Variants in ADAP1 observed in about 807,000 individuals in gnomAD.
ADAP1 encodes the protein arf-GAP with dual PH domain-containing protein 1.
A neutral mutation model predicts 54.9 loss-of-function variants in ADAP1; 31 were observed. That is an observed-to-expected ratio of 0.56 (90% CI 0.42 to 0.76). ADAP1 has a LOEUF of 0.76. ADAP1 is among the 30% of genes least tolerant of loss of function. The pLI, the probability that ADAP1 is intolerant of heterozygous loss-of-function variation, is 0.00. For synonymous variants in ADAP1, 313 were observed against 202.6 expected (o/e 1.55, Z -4.63); for missense variants, 535 against 512.4 (o/e 1.04, Z -0.42).
Position 905,285 on chromosome 7 carries a change from CGGGGG to C in ADAP1, c.389-118_389-114del, listed in dbSNP as rs1562911148. ...GGGGAGAAGACACGGGGGACACGGA[CGGGGG>C]ACACGGACAGGGGGAGACGGACGGG... On this transcript the variant is annotated intron_variant, in intron 4 of 10. Transcript: ENST00000265846. 8.6e-4 allele frequency: 203 copies of C among 236,040 alleles called. 32 individuals are homozygous for C. In the African/African-American group the frequency reaches 0.011, roughly 13 times the overall value. 14.6% of individuals were successfully genotyped at this position (236,040 alleles called of 1,614,324 possible). A position where few individuals can be genotyped will look rare whatever the true frequency, so the allele number is the denominator to read the frequency against.
rs191367770 is a variant in ADAP1 at position 929,169 on chromosome 7, G to A, written c.214-2525C>T. ...TAGCCGGGCGTGGTGGTGCACGCCCGTAATCCCAGCTACTCGGGAGGCTGA... is the reference window on the plus strand; with the variant it reads ...TAGCCGGGCGTGGTGGTGCACGCCCATAATCCCAGCTACTCGGGAGGCTGA... On this transcript the variant is annotated intron_variant, in intron 2 of 10. Coordinates refer to ENST00000265846, the MANE Select transcript of ADAP1 (RefSeq NM_006869.4). Among the ~76,000 whole-genome samples, 27 of 152,130 alleles carry A rather than the reference G, an allele frequency of 1.8e-4. No individual in the cohort carries two copies. The East Asian group carries it at 4.6e-3, about 26-fold the overall frequency.
intron 6 of ADAP1, 181 bp from the exon 7 acceptor site, chr7:900,797 C>CGGGGCTGCTACACA (rs1328568042): frequency 1.5e-5 from 10 of 654,716 alleles, no homozygotes; most frequent in East Asian, 5.6e-5. Flanking sequence ...ACGCTGAGGC[C>CGGGGCTGCTACACA]GGGGCTGCTA....
At position 954,680 on chromosome 7, in the gene ADAP1, T is replaced by C. The variant is rs1357960847; in HGVS notation, c.-203A>G. On this transcript the variant is annotated 5_prime_UTR_variant, in exon 1 of 11. Transcript: ENST00000265846. ...GTCTCCGCCGCGGTCGCTGAGCGAGTGCCGGCGCGGGGCCCGGGGCGCACG... is the reference window on the plus strand; with the variant it reads ...GTCTCCGCCGCGGTCGCTGAGCGAGCGCCGGCGCGGGGCCCGGGGCGCACG... 11 of 981,140 alleles carry C rather than the reference T, an allele frequency of 1.1e-5. No individual in the cohort carries two copies. The highest frequency in any genetic ancestry group is 1.3e-5 in the Non-Finnish European group (11 of 828,804). 60.8% of individuals were successfully genotyped at this position (981,140 alleles called of 1,614,324 possible).
intron 7 of ADAP1, among the ~76,000 whole-genome samples, 170 bp downstream of exon 7, chr7:900,363 G>A (rs2128632768): frequency 6.6e-6 from 1 of 152,226 alleles, no homozygotes; most frequent in South Asian, 2.1e-4. Context: ...CTGAGCTGAA[G>A]TTCTAGAGTG....
chr7:928,199 G>A (rs144163084), intron 2 of ADAP1, among the ~76,000 whole-genome samples: 206 of 151,250 alleles, frequency 1.4e-3, no homozygotes, highest in African/African-American at 3.8e-3. Flanking sequence ...CAGCCTGGGC[G>A]GCAGAACAAG....
chr7:907,593 TC>T (rs1437775940), intron 4 of ADAP1, among the ~76,000 whole-genome samples: 1 of 152,166 alleles, frequency 6.6e-6, no homozygotes, highest in Non-Finnish European at 1.5e-5. Context: ...CGCTCCCACT[TC>T]TGCTCCCTGT....
chr7:938,068 C>T lies in ADAP1; in HGVS notation c.83-2563G>A, dbSNP rs556962203. Among the ~76,000 whole-genome samples the T allele has an allele frequency of 6.5e-4, 99 of 152,310 alleles. No individual in the cohort carries two copies. Among genetic ancestry groups the T allele is most frequent in the African/African-American group, 2.3e-3 (97 of 41,568 alleles). ...AACATTTGCCCAAGTGACCCTGTCTCGGGTACCAGGAGTTTTGCCTGTGCT... is the reference window on the plus strand; with the variant it reads ...AACATTTGCCCAAGTGACCCTGTCTTGGGTACCAGGAGTTTTGCCTGTGCT... On this transcript the variant is annotated intron_variant, in intron 1 of 10. Transcript: ENST00000265846. The surrounding 1 kb of genome is among the most constrained non-coding windows in gnomAD (Gnocchi z 4.4).
chr7:915,037 C>G (rs1845875382), intron 4 of ADAP1, among the ~76,000 whole-genome samples: 2 of 149,492 alleles, frequency 1.3e-5, no homozygotes. Context: ...CCGAGGCCCT[C>G]TGGCTGGCGT....
chr7:939,373 C>T (rs1349927629), intron 1 of ADAP1, among the ~76,000 whole-genome samples: 1 of 152,010 alleles, frequency 6.6e-6, no homozygotes. Context: ...GCGTGCACCA[C>T]CATGCCCGGC....
intron 4 of ADAP1, among the ~76,000 whole-genome samples, chr7:909,205 AGGCGCC>A (rs1845612149): frequency 1.4e-5 from 1 of 71,708 alleles, no homozygotes; most frequent in Non-Finnish European, 2.9e-5. Flanking sequence ...TCCCGACAGC[AGGCGCC>A]AGCGGGAACC....
chr7:950,485 CAA>C (rs59360722), intron 1 of ADAP1, among the ~76,000 whole-genome samples: 10,889 of 92,946 alleles, frequency 0.12, 503 homozygotes, highest in South Asian at 0.22. Context: ...GACTCTGCCT[CAA>C]AAAAAAAAAA....
intron 3 of ADAP1, chr7:922,942 C>T (rs1846243472): frequency 6.7e-6 from 1 of 150,098 alleles, no homozygotes; most frequent in South Asian, 2.1e-4. Flanking sequence ...GGAGCCCTGA[C>T]CCCCGGGCCT....
chr7:927,975 G>A (rs1846442899), intron 2 of ADAP1, among the ~76,000 whole-genome samples: 1 of 151,890 alleles, frequency 6.6e-6, no homozygotes, highest in African/African-American at 2.4e-5. Flanking sequence ...CAGCACTTTG[G>A]GAAGCTGAGG....
Position 946,023 on chromosome 7 carries a change from G to A in ADAP1, c.82+8373C>T, listed in dbSNP as rs1847128723. ...GCAATCGAGGCCGGGTCGGACGCTGGCTCTGGCCAGGCACGCAAGGGGCAG... is the reference window on the plus strand; with the variant it reads ...GCAATCGAGGCCGGGTCGGACGCTGACTCTGGCCAGGCACGCAAGGGGCAG... On this transcript the variant is annotated intron_variant, in intron 1 of 10. Transcript: ENST00000265846. This position sits in a 1 kb window ranked among gnomAD's most constrained non-coding sequence, Gnocchi z 4.3. Among the ~76,000 whole-genome samples, 1 of 152,210 alleles carries A rather than the reference G, an allele frequency of 6.6e-6. No homozygotes were observed. The highest frequency in any genetic ancestry group is 1.5e-5 in the Non-Finnish European group (1 of 68,028).
At chr7:936,444 G>A (rs1846762776) in intron 1 of ADAP1, among the ~76,000 whole-genome samples, 1 of 152,172 alleles carries the variant, frequency 6.6e-6, no homozygotes, top group Non-Finnish European at 1.5e-5. Flanking sequence ...CCACCTGCTC[G>A]GCCTCCCAAA....
At chr7:918,293 C>T (rs1210971614) in intron 4 of ADAP1, among the ~76,000 whole-genome samples, 2 of 152,214 alleles carry the variant, frequency 1.3e-5, no homozygotes, top group Non-Finnish European at 2.9e-5. Context: ...CACAGCTCAC[C>T]GTAGCCTCAA....
chr7:911,364 G>A (rs922928083), intron 4 of ADAP1, among the ~76,000 whole-genome samples: 2 of 152,182 alleles, frequency 1.3e-5, no homozygotes, highest in Non-Finnish European at 2.9e-5. Flanking sequence ...GTGACGTGTG[G>A]ATGCCCCCAT....
In ADAP1 at chr7:926,307, G is replaced by A. The variant is rs573265881; in HGVS notation, c.305+246C>T. Among the ~76,000 whole-genome samples the A allele has an allele frequency of 2.0e-5, 3 of 150,018 alleles. No individual in the cohort carries two copies. The highest frequency in any genetic ancestry group is 2.0e-4 in the East Asian group (1 of 5,068). On this transcript the variant is annotated intron_variant, in intron 3 of 10. Transcript: ENST00000265846. The surrounding 1 kb of genome is among the most constrained non-coding windows in gnomAD (Gnocchi z 4.6). ...CCCAAGGCCTCAGCGAACCTGGGTGGGCTGTAGCTACTGATGCACAATGAC... is the reference window on the plus strand; with the variant it reads ...CCCAAGGCCTCAGCGAACCTGGGTGAGCTGTAGCTACTGATGCACAATGAC...
rs552541005 is a variant in ADAP1 at position 922,917 on chromosome 7, G to A, written c.306-2867C>T. On this transcript the variant is annotated intron_variant, in intron 3 of 10. Transcript: ENST00000265846. ...CCGAGGCTGCTACCACCTGAACCGC[G>A]ACCCCATCCTACTGGGAGCCCTGAC... 25 of 127,614 alleles carry A rather than the reference G, an allele frequency of 2.0e-4. 1 individual carries two copies. In the South Asian group the frequency reaches 4.3e-3, roughly 22 times the overall value. The allele number at this position is 127,614 out of a possible 1,614,324, so 7.9% of individuals were successfully genotyped here.
Sources: allele counts gnomAD v4.1 joint callset (sites outside exome capture counted in the v4.1 genomes callset), GRCh38; gene constraint gnomAD v4.1.1; non-coding constraint Gnocchi (gnomAD v3.1); transcripts MANE v1.5; gene names NCBI Gene and HGNC (gene_info 2026-07-23, HGNC 2026-07-21).